Variants in MUC22 observed in about 807,000 individuals in gnomAD.
MUC22 encodes the protein mucin 22.
In MUC22, 24 loss-of-function variants were observed where a neutral mutation model predicts 40.3. The ratio of observed to expected loss-of-function variants is 0.60; its 90% CI spans 0.43 to 0.84. The LOEUF is 0.84. MUC22 is among the 40% of genes least tolerant of loss of function. The probability of loss-of-function intolerance (pLI) is 0.00; values close to 1 mark genes in which losing one functional copy is unlikely to be tolerated. For synonymous variants in MUC22, 765 were observed against 844.5 expected, an observed-to-expected ratio of 0.91 and a Z score of 1.63; for missense variants, 1,926 against 2,130.7, an observed-to-expected ratio of 0.90 and a Z score of 1.89.
In MUC22 at chr6:31,010,793, T is replaced by A; in HGVS notation, c.70+17T>A. The A allele has an allele frequency of 1.4e-6, 1 of 702,496 alleles. No individual in the cohort carries two copies. Among genetic ancestry groups the A allele is most frequent in the Non-Finnish European group, 2.6e-6 (1 of 384,996 alleles). The allele number at this position is 702,496 out of a possible 1,614,324, so 43.5% of individuals were successfully genotyped here. A position where few individuals can be genotyped will look rare whatever the true frequency, so the allele number is the denominator to read the frequency against. ...TGGGACCCAGTAAGTGACTTAGCAGTTAAGGAGGGAGAGGGGCATGGAGGC... is the reference window on the plus strand; with the variant it reads ...TGGGACCCAGTAAGTGACTTAGCAGATAAGGAGGGAGAGGGGCATGGAGGC... On this transcript the variant is annotated intron_variant, in intron 1 of 3. Coordinates refer to ENST00000561890, the Ensembl canonical transcript of MUC22.
chr6:31,028,000 A>G, exon 2 of MUC22: 2 of 1,532,788 alleles, frequency 1.3e-6, no homozygotes, highest in Non-Finnish European at 1.7e-6. Flanking sequence ...TGAGAACACC[A>G]CAGCATCTAC....
At chr6:31,015,548 C>T (rs114225152) in intron 1 of MUC22, among the ~76,000 whole-genome samples, 3,618 of 151,516 alleles carry the variant, frequency 0.024, 145 homozygotes, top group African/African-American at 0.082. Context: ...AGACCTTATA[C>T]ATCTGAAAAT....
Position 31,032,157 on chromosome 6 carries a change from C to A in MUC22, c.4670-39C>A. ...CACCCCCATTCCCCTTTAATCATCT[C>A]TGCTACAAATGCATCATCTTGTGTG... is the stretch of plus-strand genomic sequence containing the variant. On this transcript the variant is annotated intron_variant, in intron 2 of 3. Coordinates refer to ENST00000561890, the Ensembl canonical transcript of MUC22. This position sits in a 1 kb window ranked among gnomAD's most constrained non-coding sequence, Gnocchi z 4.1. 2.0e-6 allele frequency: 3 copies of A among 1,503,574 alleles called. No homozygotes were observed. Among genetic ancestry groups the A allele is most frequent in the South Asian group, 1.3e-5 (1 of 76,818 alleles). The allele number at this position is 1,503,574 out of a possible 1,614,324, so 93.1% of individuals were successfully genotyped here. A position where few individuals can be genotyped will look rare whatever the true frequency, so the allele number is the denominator to read the frequency against.
exon 2 of MUC22, chr6:31,028,694 C>G (rs11760006): frequency 6.5e-7 from 1 of 1,533,144 alleles, no homozygotes; most frequent in Non-Finnish European, 8.7e-7. Context: ...ATCCCAGCCT[C>G]TACAGCAGGC....
chr6:31,019,291 C>G (rs1213996135), intron 1 of MUC22, among the ~76,000 whole-genome samples: 3 of 152,236 alleles, frequency 2.0e-5, no homozygotes, highest in Non-Finnish European at 4.4e-5. Flanking sequence ...TTTCTAATTT[C>G]AAAACATAGC....
At chr6:31,021,195 G>C (rs1293854719) in intron 1 of MUC22, among the ~76,000 whole-genome samples, 1 of 152,266 alleles carries the variant, frequency 6.6e-6, no homozygotes, top group Non-Finnish European at 1.5e-5. Flanking sequence ...TGAGTCTGGT[G>C]AGGACGTGGA....
intron 1 of MUC22, among the ~76,000 whole-genome samples, chr6:31,022,614 TGA>T (rs1469548508): frequency 6.6e-6 from 1 of 152,114 alleles, no homozygotes; most frequent in Non-Finnish European, 1.5e-5. Context: ...TAATGAATTA[TGA>T]GGCTTATATG....
exon 4 of MUC22, chr6:31,034,820 T>C (rs1227549302): frequency 1.0e-5 from 16 of 1,535,390 alleles, no homozygotes; most frequent in Non-Finnish European, 1.3e-5. Flanking sequence ...GAACTTGAAA[T>C]GGGACATGGA....
chr6:31,034,591 A>T, intron 3 of MUC22, 81 bp from the exon 4 acceptor site: 1 of 1,209,330 alleles, frequency 8.3e-7, no homozygotes, highest in South Asian at 1.6e-5. Flanking sequence ...AAAATCTGAC[A>T]TTGGTGAAAC....
At chr6:31,028,810 A>G in exon 2 of MUC22, 1 of 1,532,608 alleles carries the variant, frequency 6.5e-7, no homozygotes, top group Non-Finnish European at 8.7e-7. Context: ...TGAGACCACT[A>G]CAGCCACTAC....
exon 2 of MUC22, chr6:31,028,305 T>C: frequency 6.5e-7 from 1 of 1,533,208 alleles, no homozygotes; most frequent in Non-Finnish European, 8.7e-7. Context: ...CTAAAGTTTC[T>C]ACCACAGGTT....
chr6:31,021,148 C>CG (rs1764700063), intron 1 of MUC22, among the ~76,000 whole-genome samples: 1 of 152,216 alleles, frequency 6.6e-6, no homozygotes, highest in Non-Finnish European at 1.5e-5. Context: ...CCTGCGGCCC[C>CG]GGGGCGGGAT....
intron 1 of MUC22, among the ~76,000 whole-genome samples, chr6:31,020,717 T>C (rs1262227976): frequency 6.6e-6 from 1 of 151,952 alleles, no homozygotes; most frequent in Non-Finnish European, 1.5e-5. Flanking sequence ...CAGGGAGGTG[T>C]GGAGGGAGAG....
Position 31,032,105 on chromosome 6 carries a change from G to T in MUC22, c.4670-91G>T. ...CCTGAGCCACCTCCACCATAGGTTTGTTAGATTCACCCTCCTCTGGTCTAA... is the reference window on the plus strand; with the variant it reads ...CCTGAGCCACCTCCACCATAGGTTTTTTAGATTCACCCTCCTCTGGTCTAA... On this transcript the variant is annotated intron_variant, in intron 2 of 3. Transcript: ENST00000561890. This position sits in a 1 kb window ranked among gnomAD's most constrained non-coding sequence, Gnocchi z 4.1. 7.2e-7 allele frequency: 1 copy of T among 1,394,804 alleles called. No individual in the cohort carries two copies. Among genetic ancestry groups the T allele is most frequent in the Non-Finnish European group, 9.5e-7 (1 of 1,054,376 alleles). The allele number at this position is 1,394,804 out of a possible 1,614,324, so 86.4% of individuals were successfully genotyped here. A position where few individuals can be genotyped will look rare whatever the true frequency, so the allele number is the denominator to read the frequency against.
chr6:31,016,868 G>A (rs901184694), intron 1 of MUC22, among the ~76,000 whole-genome samples: 9 of 152,128 alleles, frequency 5.9e-5, no homozygotes, highest in Non-Finnish European at 1.3e-4. Context: ...GCGTGGCCTC[G>A]GGGGGCCCCA....
intron 2 of MUC22, 99 bp downstream of exon 2, chr6:31,030,199 C>G: frequency 7.7e-7 from 1 of 1,294,442 alleles, no homozygotes; most frequent in African/African-American, 1.5e-5. Context: ...TGGTTCAAGT[C>G]AAGCCAGCAC....
Position 31,021,940 on chromosome 6 carries a change from G to A in MUC22, c.71-3562G>A, listed in dbSNP as rs377430177. On this transcript the variant is annotated intron_variant, in intron 1 of 3. Coordinates refer to ENST00000561890, the Ensembl canonical transcript of MUC22. ...TGGGTCTACACTGTTTTTATGATCT[G>A]TAACACTCACCGTAAAGGTCTGCAG... 2.5e-4 allele frequency among the ~76,000 whole-genome samples: 38 copies of A among 152,186 alleles called. No homozygotes were observed. The South Asian group carries it at 7.5e-3, about 30-fold the overall frequency.
At chr6:31,033,174 G>A (rs1766194069) in intron 3 of MUC22, among the ~76,000 whole-genome samples, 2 of 151,062 alleles carry the variant, frequency 1.3e-5, no homozygotes. Flanking sequence ...CGAAAGGAAG[G>A]AAGAAAGAAA....
exon 2 of MUC22, chr6:31,025,553 C>G (rs1303556763): frequency 2.6e-6 from 4 of 1,528,502 alleles, no homozygotes; most frequent in South Asian, 1.2e-5. Flanking sequence ...ACCACAGCCT[C>G]CATCACAGGC....
Sources: gnomAD v4.1 joint callset for allele counts (sites outside exome capture counted in the v4.1 genomes callset) on GRCh38, gnomAD v4.1.1 for gene constraint, Gnocchi (gnomAD v3.1) non-coding constraint, MANE v1.5 for transcripts, NCBI Gene and HGNC (gene_info 2026-07-23, HGNC 2026-07-21) for gene names.